The following CNTNAP2 variants were observed in gnomAD, a reference collection of about 807,000 sequenced individuals.
CNTNAP2 encodes contactin-associated protein-like 2.
CNTNAP2 carries 98 observed loss-of-function variants against 155.2 expected under a neutral mutation model. That is an observed-to-expected ratio of 0.63 (90% CI 0.54 to 0.75). The LOEUF is 0.75. Among genes scored for constraint, CNTNAP2 ranks in the 30% least tolerant of loss-of-function variants. The pLI is 0.00. For missense variants in CNTNAP2, 1,727 were observed against 1,688.1 expected (o/e 1.02, Z -0.40); for synonymous variants, 651 against 631.2 (o/e 1.03, Z -0.47).
At chr7:147,571,961 T>C (rs1800303280) in intron 12 of CNTNAP2, among the ~76,000 whole-genome samples, 1 of 152,238 alleles carries the variant, frequency 6.6e-6, no homozygotes, top group African/African-American at 2.4e-5. Context: ...TGTCGACCTC[T>C]CACAGGCTGT....
intron 1 of CNTNAP2, among the ~76,000 whole-genome samples, chr7:146,584,874 A>C (rs1584993309): frequency 6.6e-6 from 1 of 152,282 alleles, no homozygotes; most frequent in Non-Finnish European, 1.5e-5. Context: ...GTATCACTGT[A>C]TGAAGAAGGG....
intron 1 of CNTNAP2, among the ~76,000 whole-genome samples, chr7:146,260,202 A>G (rs1246999931): frequency 6.6e-6 from 1 of 152,232 alleles, no homozygotes; most frequent in Non-Finnish European, 1.5e-5. Flanking sequence ...TTCAGAGGAC[A>G]TAAGGAAACA....
intron 15 of CNTNAP2, among the ~76,000 whole-genome samples, chr7:148,104,512 T>C (rs947643425): frequency 2.6e-5 from 4 of 152,214 alleles, no homozygotes; most frequent in Non-Finnish European, 5.9e-5. Context: ...TGCACAGTGG[T>C]GGAGTGTAGC....
intron 14 of CNTNAP2, among the ~76,000 whole-genome samples, chr7:147,973,160 T>TAAAAAAAAAAAAAAAAAAAAA (rs35756000): frequency 4.1e-5 from 5 of 120,832 alleles, no homozygotes; most frequent in African/African-American, 1.7e-4. Flanking sequence ...TCTCTAAAAT[T>TAAAAAAAAAAAAAAAAAAAAA]AAAAAAAAAA....
intron 8 of CNTNAP2, chr7:147,146,119 T>C (rs1235355385): frequency 1.3e-5 from 2 of 152,186 alleles, no homozygotes; most frequent in Non-Finnish European, 2.9e-5. Flanking sequence ...TCAGGTGTTA[T>C]GAAAATTTAA....
At chr7:147,823,971 G>T (rs1381627744) in intron 13 of CNTNAP2, among the ~76,000 whole-genome samples, 4 of 152,138 alleles carry the variant, frequency 2.6e-5, no homozygotes, top group Non-Finnish European at 5.9e-5. Flanking sequence ...GCATGACTAA[G>T]GTTTGTGTTG....
Position 147,399,895 on chromosome 7 carries a change from C to T in CNTNAP2, c.1670+4115C>T, listed in dbSNP as rs150593853. On this transcript the variant is annotated intron_variant, in intron 10 of 23. Coordinates refer to ENST00000361727, the MANE Select transcript of CNTNAP2 (RefSeq NM_014141.6). ...CAATGGAAGCTGCTAGCTTGATTCC[C>T]TTAGTGATAATCTGCTCTTAGAGAG... Among the ~76,000 whole-genome samples, 677 of 152,262 alleles carry T rather than the reference C, an allele frequency of 4.4e-3. 5 individuals carry two copies. Among genetic ancestry groups the T allele is most frequent in the African/African-American group, 0.015 (629 of 41,542 alleles).
chr7:146,680,621 T>C (rs1800485150), intron 1 of CNTNAP2, among the ~76,000 whole-genome samples: 1 of 152,226 alleles, frequency 6.6e-6, no homozygotes, highest in Non-Finnish European at 1.5e-5. Flanking sequence ...ATTCAAACCC[T>C]CTGTCATATC....
At chr7:147,979,027 C>T (rs1266839270) in intron 15 of CNTNAP2, among the ~76,000 whole-genome samples, 1 of 152,156 alleles carries the variant, frequency 6.6e-6, no homozygotes, top group Non-Finnish European at 1.5e-5. Context: ...GAGAATTAGA[C>T]CTACTTGATA....
intron 8 of CNTNAP2, among the ~76,000 whole-genome samples, chr7:147,232,679 A>G (rs1216661682): frequency 1.3e-5 from 2 of 152,256 alleles, no homozygotes; most frequent in Non-Finnish European, 2.9e-5. Context: ...GTAAAAAATT[A>G]ACTGAAATGG....
intron 1 of CNTNAP2, among the ~76,000 whole-genome samples, chr7:146,626,494 A>G (rs1374373698): frequency 6.6e-6 from 1 of 152,126 alleles, no homozygotes; most frequent in Non-Finnish European, 1.5e-5. Context: ...ATGTTGACTT[A>G]GAGTTACTAA....
chr7:147,598,351 G>A (rs1800870399), intron 12 of CNTNAP2, among the ~76,000 whole-genome samples: 1 of 151,956 alleles, frequency 6.6e-6, no homozygotes, highest in African/African-American at 2.4e-5. Context: ...CCCCGCAACA[G>A]GCCCTGGTGT....
At chr7:146,452,823 G>C (rs1161271813) in intron 1 of CNTNAP2, among the ~76,000 whole-genome samples, 1 of 152,182 alleles carries the variant, frequency 6.6e-6, no homozygotes, top group African/African-American at 2.4e-5. Flanking sequence ...GACCAAATTT[G>C]CTCTCCCCTC....
chr7:148,011,337 A>G (rs1802077158), intron 15 of CNTNAP2, among the ~76,000 whole-genome samples: 1 of 152,162 alleles, frequency 6.6e-6, no homozygotes, highest in Non-Finnish European at 1.5e-5. Context: ...CTGATTATAC[A>G]TCATTATTCT....
At chr7:148,199,556 T>A (rs1795334606) in intron 18 of CNTNAP2, among the ~76,000 whole-genome samples, 1 of 152,146 alleles carries the variant, frequency 6.6e-6, no homozygotes, top group Non-Finnish European at 1.5e-5. Flanking sequence ...GACAAATGCT[T>A]TTAGTTTTCC....
intron 14 of CNTNAP2, among the ~76,000 whole-genome samples, chr7:147,949,496 C>T (rs1011546220): frequency 7.0e-6 from 1 of 143,512 alleles, no homozygotes; most frequent in Non-Finnish European, 1.6e-5. Context: ...ACAAAATCCT[C>T]TCTCCAAAGC....
intron 1 of CNTNAP2, among the ~76,000 whole-genome samples, chr7:146,302,117 A>G (rs534027189): frequency 6.6e-6 from 1 of 152,282 alleles, no homozygotes; most frequent in South Asian, 2.1e-4. Flanking sequence ...ATAATGACAT[A>G]GTGATAGGAC....
chr7:147,976,657 A>G (rs1253610768), intron 14 of CNTNAP2, among the ~76,000 whole-genome samples: 1 of 152,164 alleles, frequency 6.6e-6, no homozygotes, highest in East Asian at 1.9e-4. Flanking sequence ...CTGACACATG[A>G]GGAAACAAAT....
At chr7:147,989,280 C>A (rs1055952448) in intron 15 of CNTNAP2, among the ~76,000 whole-genome samples, 1 of 152,198 alleles carries the variant, frequency 6.6e-6, no homozygotes, top group Non-Finnish European at 1.5e-5. Flanking sequence ...ATCACACCCA[C>A]CTGGGTCCAA....
Sources: allele counts gnomAD v4.1 joint callset (sites outside exome capture counted in the v4.1 genomes callset), GRCh38; gene constraint gnomAD v4.1.1; transcripts MANE v1.5; gene names NCBI Gene and HGNC (gene_info 2026-07-23, HGNC 2026-07-21).